The following MRPS28 variants were observed in gnomAD, a reference collection of about 807,000 sequenced individuals.
The protein encoded by MRPS28 is small ribosomal subunit protein bS1m.
MRPS28 carries 7 observed loss-of-function variants against 10.8 expected under a neutral mutation model. The ratio of observed to expected loss-of-function variants is 0.65; its 90% CI spans 0.37 to 1.22. MRPS28 has a LOEUF of 1.22. MRPS28 is among the 50% of genes most tolerant of loss of function. The probability of loss-of-function intolerance (pLI) is 0.02; values close to 1 mark genes in which losing one functional copy is unlikely to be tolerated. For synonymous variants in MRPS28, 121 were observed against 93.3 expected (o/e 1.30, Z -1.71); for missense variants, 265 against 232.9 (o/e 1.14, Z -0.90).
intron 2 of MRPS28, among the ~76,000 whole-genome samples, chr8:79,929,787 G>A (rs1806409103): frequency 6.6e-6 from 1 of 152,106 alleles, no homozygotes; most frequent in African/African-American, 2.4e-5. Flanking sequence ...TGACCTTTGT[G>A]GTAATGGTGG....
chr8:79,964,603 C>T (rs891814290), intron 2 of MRPS28, among the ~76,000 whole-genome samples: 2 of 152,016 alleles, frequency 1.3e-5, no homozygotes, highest in Admixed American at 6.6e-5. Context: ...TTACATAACC[C>T]CTCCAGTGTC....
At chr8:79,979,274 G>T (rs1807885883) in intron 2 of MRPS28, among the ~76,000 whole-genome samples, 1 of 152,138 alleles carries the variant, frequency 6.6e-6, no homozygotes. Context: ...AGTGGTGGGA[G>T]CTCAGGCACA....
chr8:79,924,835 A>C (rs1810190980), intron 2 of MRPS28, among the ~76,000 whole-genome samples: 1 of 152,146 alleles, frequency 6.6e-6, no homozygotes, highest in Non-Finnish European at 1.5e-5. Flanking sequence ...TTCAATCTGT[A>C]AGATGCCTAT....
At chr8:79,974,629 C>G (rs909166255) in intron 2 of MRPS28, among the ~76,000 whole-genome samples, 3 of 151,190 alleles carry the variant, frequency 2.0e-5, no homozygotes, top group Non-Finnish European at 2.9e-5. Flanking sequence ...TATTTTGGTA[C>G]AGCCTAGTAT....
intron 2 of MRPS28, among the ~76,000 whole-genome samples, chr8:79,919,881 T>C (rs374320152): frequency 6.6e-5 from 10 of 152,138 alleles, no homozygotes; most frequent in South Asian, 4.2e-4. Flanking sequence ...ATGTGCCATG[T>C]TGGTGTGCTG....
intron 1 of MRPS28, among the ~76,000 whole-genome samples, chr8:80,009,428 AAAATAAAT>A (rs758206724): frequency 2.0e-5 from 3 of 151,824 alleles, no homozygotes; most frequent in Admixed American, 6.6e-5. Context: ...AGTATAATAA[AAAATAAAT>A]AAATAAATAA....
intron 1 of MRPS28, among the ~76,000 whole-genome samples, chr8:80,010,496 C>T (rs1444681615): frequency 6.6e-6 from 1 of 152,090 alleles, no homozygotes; most frequent in East Asian, 1.9e-4. Context: ...GGATATGTGC[C>T]CAAGTTTAAA....
intron 2 of MRPS28, among the ~76,000 whole-genome samples, chr8:79,929,554 G>A (rs777853000): frequency 1.3e-5 from 2 of 152,070 alleles, no homozygotes; most frequent in Non-Finnish European, 2.9e-5. Context: ...GAATTTGCAA[G>A]GGTTTAATAT....
At chr8:79,921,103 T>C (rs1187537474) in intron 2 of MRPS28, among the ~76,000 whole-genome samples, 1 of 152,170 alleles carries the variant, frequency 6.6e-6, no homozygotes, top group Non-Finnish European at 1.5e-5. Flanking sequence ...TAGTTGTAGA[T>C]ATGAGGCATT....
chr8:79,982,049 C>A (rs1464244352), intron 2 of MRPS28, among the ~76,000 whole-genome samples: 1 of 152,100 alleles, frequency 6.6e-6, no homozygotes, highest in Non-Finnish European at 1.5e-5. Context: ...AAATTCAAGA[C>A]CCGCCTGGCC....
chr8:79,959,457 A>G (rs1175666069), intron 2 of MRPS28, among the ~76,000 whole-genome samples: 4 of 152,122 alleles, frequency 2.6e-5, no homozygotes, highest in African/African-American at 9.7e-5. Context: ...TCTATGTTAT[A>G]TATCTGTTGT....
At chr8:79,951,177 G>A (rs974372601) in intron 2 of MRPS28, among the ~76,000 whole-genome samples, 7 of 152,180 alleles carry the variant, frequency 4.6e-5, no homozygotes, top group Admixed American at 1.3e-4. Context: ...TTGCATCTGA[G>A]TTTGTAAGTG....
intron 2 of MRPS28, among the ~76,000 whole-genome samples, chr8:79,928,145 G>A (rs144702724): frequency 8.6e-5 from 13 of 151,812 alleles, no homozygotes; most frequent in Non-Finnish European, 1.8e-4. Flanking sequence ...TCAACACAGC[G>A]AGCCCTTTTC....
At chr8:79,997,890 A>C (rs980210525) in intron 2 of MRPS28, among the ~76,000 whole-genome samples, 1 of 152,014 alleles carries the variant, frequency 6.6e-6, no homozygotes, top group Non-Finnish European at 1.5e-5. Context: ...CCCTGTCTCC[A>C]CTAAAAATAC....
chr8:79,923,851 T>C (rs1354797432), intron 2 of MRPS28, among the ~76,000 whole-genome samples: 2 of 152,174 alleles, frequency 1.3e-5, no homozygotes, highest in Non-Finnish European at 2.9e-5. Flanking sequence ...GTCTGAGCTG[T>C]ATAGGAAAAG....
chr8:80,012,537 T>C (rs905541964), intron 1 of MRPS28, among the ~76,000 whole-genome samples: 1 of 152,222 alleles, frequency 6.6e-6, no homozygotes, highest in African/African-American at 2.4e-5. Context: ...CTGTCACCGC[T>C]GGATATGTAT....
At chr8:79,944,915 G>T (rs890585068) in intron 2 of MRPS28, among the ~76,000 whole-genome samples, 1 of 151,750 alleles carries the variant, frequency 6.6e-6, no homozygotes, top group African/African-American at 2.4e-5. Flanking sequence ...GGCTAGTCTC[G>T]AATTCCTGAA....
chr8:79,989,174 A>T (rs1469297518), intron 2 of MRPS28, among the ~76,000 whole-genome samples: 1 of 152,182 alleles, frequency 6.6e-6, no homozygotes, highest in African/African-American at 2.4e-5. Context: ...GGAAAAGTAC[A>T]ATAGTTTTAA....
chr8:79,954,178 C>A (rs999642827), intron 2 of MRPS28, among the ~76,000 whole-genome samples: 5 of 151,822 alleles, frequency 3.3e-5, no homozygotes, highest in Non-Finnish European at 7.4e-5. Context: ...AGGAGTTAGA[C>A]TCCAACCTAG....
Sources: gnomAD v4.1 joint callset for allele counts (sites outside exome capture counted in the v4.1 genomes callset) on GRCh38, gnomAD v4.1.1 for gene constraint, MANE v1.5 for transcripts, NCBI Gene and HGNC (gene_info 2026-07-23, HGNC 2026-07-21) for gene names.